PCDHB6: variants seen among roughly 807,000 people sequenced by gnomAD.
PCDHB6 encodes the protein protocadherin beta-6.
For synonymous variants in PCDHB6, 506 were observed against 459.0 expected (o/e 1.10, Z -1.31); for missense variants, 1,137 against 1,010.1 (o/e 1.13, Z -1.70).
Position 141,151,620 on chromosome 5 carries a change from A to C in PCDHB6, c.1363A>C (p.Thr455Pro), listed in dbSNP as rs1554277743. 6.2e-7 allele frequency: 1 copy of C among 1,613,416 alleles called. No homozygotes were observed. Among genetic ancestry groups the C allele is most frequent in the Non-Finnish European group, 8.5e-7 (1 of 1,179,982 alleles). The change falls in exon 1 of 1, where the codon ACC becomes CCC. Residue 455 changes from threonine to proline, a missense_variant. Physicochemically the swap from Thr to Pro is conservative, Grantham distance 38 (BLOSUM62 -1). Coordinates refer to ENST00000231136, the MANE Select transcript of PCDHB6 (RefSeq NM_018939.4). ...NAPAFTQTSYTLFVRENNSPA... is the reference protein window; with the variant it reads ...NAPAFTQTSYPLFVRENNSPA... Reference sequence around the variant, plus strand: ...CCCCGCCTTCACCCAAACCTCCTACACCCTGTTCGTCCGCGAGAACAACAG... The same window carrying C: ...CCCCGCCTTCACCCAAACCTCCTACCCCCTGTTCGTCCGCGAGAACAACAG...
At position 141,152,900 on chromosome 5, in the gene PCDHB6, C is replaced by CCCT. The variant is rs1554278120; in HGVS notation, c.*260_*261insTCC. 9 of 238,136 alleles carry CCCT rather than the reference C, an allele frequency of 3.8e-5. No individual in the cohort carries two copies. The allele number at this position is 238,136 out of a possible 1,614,324, so 14.8% of individuals were successfully genotyped here. ...TTGAAATTAAATTATCTATTCTTCCCCCCCCCAAAAAAAAGTATTGTAAAT... is the reference window on the plus strand; with the variant it reads ...TTGAAATTAAATTATCTATTCTTCCCCCTCCCCCCAAAAAAAAGTATTGTAAAT... On this transcript the variant is annotated 3_prime_UTR_variant, in exon 1 of 1. Transcript: ENST00000231136.
chr5:141,150,274 T>C lies in PCDHB6; in HGVS notation c.17T>C (p.Val6Ala), dbSNP rs1588333034. Residue 6 changes from valine (V) to alanine (A), a missense_variant, in exon 1 of 1, where the codon GTA (valine) becomes GCA (alanine). Transcript: ENST00000231136. MMQTKVQNKKRQVAFF... is the reference protein window; with the variant it reads MMQTKAQNKKRQVAFF... The stretch of plus-strand genomic sequence containing the variant: ...ATAATAGACATGATGCAAACTAAAG[T>C]ACAGAACAAGAAAAGGCAAGTGGCT... 9 of 1,612,120 alleles carry C rather than the reference T, an allele frequency of 5.6e-6. No homozygotes were observed. The East Asian group carries it at 1.3e-4, about 24-fold the overall frequency.
rs1554278081 is a variant in PCDHB6, at chr5:141,152,645, G to T, written c.*3G>T. On this transcript the variant is annotated 3_prime_UTR_variant, in exon 1 of 1. Transcript: ENST00000231136. ...GGAATAGCTTCCCGTTCAGTTAAGT[G>T]TGGGATTATTTTACTAAATCTTACT... is the stretch of plus-strand genomic sequence containing the variant. 7 of 1,567,080 alleles carry T rather than the reference G, an allele frequency of 4.5e-6. No homozygotes were observed.
At position 141,152,920 on chromosome 5, in the gene PCDHB6, G is replaced by A. The variant is rs1421477028; in HGVS notation, c.*278G>A. ...CTTCCCCCCCCCAAAAAAAAGTATTGTAAATCCTTAAGTAAAATTGTATTT... is the reference window on the plus strand; with the variant it reads ...CTTCCCCCCCCCAAAAAAAAGTATTATAAATCCTTAAGTAAAATTGTATTT... On this transcript the variant is annotated 3_prime_UTR_variant, in exon 1 of 1. Transcript: ENST00000231136. The A allele has an allele frequency of 2.5e-5, 6 of 236,866 alleles. No homozygotes were observed. In the East Asian group the frequency reaches 6.3e-4, roughly 25 times the overall value. The allele number at this position is 236,866 out of a possible 1,614,324, so 14.7% of individuals were successfully genotyped here.
Position 141,150,981 on chromosome 5 carries a change from G to A in PCDHB6, c.724G>A (p.Ala242Thr), listed in dbSNP as rs972521285. ...CATCAATGACAACGTCCCCGAGTTT[G>A]CTCAGGAGCTCTATGAAGCACAAGT... is the stretch of plus-strand genomic sequence containing the variant. ...LDINDNVPEFAQELYEAQVPE... is the reference protein window; with the variant it reads ...LDINDNVPEFTQELYEAQVPE... The change falls in exon 1 of 1, where the codon GCT becomes ACT. Residue 242 changes from alanine to threonine, a missense_variant. Coordinates refer to ENST00000231136, the MANE Select transcript of PCDHB6 (RefSeq NM_018939.4). The A allele has an allele frequency of 6.2e-7, 1 of 1,614,100 alleles. No homozygotes were observed. The highest frequency in any genetic ancestry group is 2.2e-5 in the East Asian group (1 of 44,856).
Position 141,151,593 on chromosome 5 carries a change from G to A in PCDHB6, c.1336G>A (p.Ala446Thr). The change falls in exon 1 of 1, where the codon GCC becomes ACC. Residue 446 changes from alanine (A) to threonine (T), a missense_variant. By Grantham distance (58) the Ala-to-Thr change is moderately conservative (BLOSUM62 0). Transcript: ENST00000231136. ...TVQVSDVNDN[A>T]PAFTQTSYTL... ...GCAGGTCTCCGACGTCAATGACAAC[G>A]CCCCCGCCTTCACCCAAACCTCCTA... 1 of 1,613,856 alleles carries A rather than the reference G, an allele frequency of 6.2e-7. No individual in the cohort carries two copies.
rs1554277449 is a variant in PCDHB6, at chr5:141,150,568, C to A, written c.311C>A (p.Pro104His). ...LCGSTEPCVLPFQVLLENPLQ... is the reference protein window; with the variant it reads ...LCGSTEPCVLHFQVLLENPLQ... The stretch of plus-strand genomic sequence containing the variant: ...GGCTCCACTGAGCCGTGTGTGCTAC[C>A]TTTCCAAGTGTTACTGGAAAACCCC... Residue 104 changes from proline to histidine, a missense_variant, in exon 1 of 1, where the codon CCT (proline) becomes CAT (histidine). Pro to His is a moderately conservative substitution (Grantham distance 77, BLOSUM62 -2). Transcript: ENST00000231136. 2 of 1,614,074 alleles carry A rather than the reference C, an allele frequency of 1.2e-6. No individual in the cohort carries two copies. Among genetic ancestry groups the A allele is most frequent in the African/African-American group, 2.7e-5 (2 of 74,922 alleles).
At position 141,152,355 on chromosome 5, in the gene PCDHB6, C is replaced by T. The variant is rs782050570; in HGVS notation, c.2098C>T (p.Leu700Phe). ...GTTGGCCTCGGTGTCGTCGCTCTTCCTCTTTTCGGTGCTCCTGTTCGTGGC... is the reference window on the plus strand; with the variant it reads ...GTTGGCCTCGGTGTCGTCGCTCTTCTTCTTTTCGGTGCTCCTGTTCGTGGC... ...VALASVSSLF[L>F]FSVLLFVAVR... Residue 700 changes from leucine to phenylalanine, a missense_variant, in exon 1 of 1, where the codon CTC becomes TTC. Physicochemically the swap from Leu to Phe is conservative, Grantham distance 22. Transcript: ENST00000231136. 1.3e-5 allele frequency: 21 copies of T among 1,610,712 alleles called. No homozygotes were observed. Among genetic ancestry groups the T allele is most frequent in the Non-Finnish European group, 1.7e-5 (20 of 1,179,882 alleles).
rs782003867 is a variant in PCDHB6, at chr5:141,151,500, TACA to T, written c.1247_1249del (p.Asn416del). On this transcript the variant is annotated inframe_deletion, in exon 1 of 1. Coordinates refer to ENST00000231136, the MANE Select transcript of PCDHB6 (RefSeq NM_018939.4). ...GCTGGACAGAGAGAGCAGAGCCGAGTACAACATCACTATCACGGTCACTGATTT... is the reference window on the plus strand; with the variant it reads ...GCTGGACAGAGAGAGCAGAGCCGAGTACATCACTATCACGGTCACTGATTT... 1.2e-6 allele frequency: 2 copies of T among 1,614,006 alleles called. No individual in the cohort carries two copies. The highest frequency in any genetic ancestry group is 1.7e-5 in the Admixed American group (1 of 60,014).
Position 141,151,296 on chromosome 5 carries a change from A to T in PCDHB6, c.1039A>T (p.Met347Leu), listed in dbSNP as rs147390258. 512 of 1,614,086 alleles carry T rather than the reference A, an allele frequency of 3.2e-4. 1 individual carries two copies. The highest frequency in any genetic ancestry group is 3.5e-4 in the Non-Finnish European group (413 of 1,180,040). The change falls in exon 1 of 1, where the codon ATG becomes TTG. Residue 347 changes from methionine to leucine, a missense_variant. Transcript: ENST00000231136. ...DVNDNAPELT[M>L]SFFISLIPEN... ...GAATGACAATGCCCCTGAACTCACC[A>T]TGTCGTTCTTCATCAGCCTCATCCC...
At position 141,151,395 on chromosome 5, in the gene PCDHB6, A is replaced by G; in HGVS notation, c.1138A>G (p.Ile380Val). Residue 380 changes from isoleucine (I) to valine (V), a missense_variant, in exon 1 of 1, where the codon ATT (isoleucine) becomes GTT (valine). Transcript: ENST00000231136. Reference sequence around the variant, plus strand: ...AGACTCTGGACATAACCAACAGGTTATTTGTTCAATAGAGAACAATCTCCC... The same window carrying G: ...AGACTCTGGACATAACCAACAGGTTGTTTGTTCAATAGAGAACAATCTCCC... ...DADSGHNQQV[I>V]CSIENNLPFL... 1 of 1,614,200 alleles carries G rather than the reference A, an allele frequency of 6.2e-7. No homozygotes were observed. Among genetic ancestry groups the G allele is most frequent in the South Asian group, 1.1e-5 (1 of 91,074 alleles).
Position 141,152,361 on chromosome 5 carries a change from T to G in PCDHB6, c.2104T>G (p.Ser702Ala), listed in dbSNP as rs1447424939. 75 of 1,610,924 alleles carry G rather than the reference T, an allele frequency of 4.7e-5. No homozygotes were observed. Among genetic ancestry groups the G allele is most frequent in the Non-Finnish European group, 6.4e-5 (75 of 1,179,852 alleles). The change falls in exon 1 of 1, where the codon TCG (serine) becomes GCG (alanine). Residue 702 changes from serine to alanine, a missense_variant. Transcript: ENST00000231136. ...CTCGGTGTCGTCGCTCTTCCTCTTT[T>G]CGGTGCTCCTGTTCGTGGCGGTGCG... The part of the protein sequence containing the change: ...LASVSSLFLF[S>A]VLLFVAVRLC...
chr5:141,150,428 G>T lies in PCDHB6; in HGVS notation c.171G>T (p.Glu57Asp). Reference sequence around the variant, plus strand: ...AGGACCTGGGACTGAGGGTGGGGGAGCTGGCTTCGCGGGGCGCTCGGGTTG... The same window carrying T: ...AGGACCTGGGACTGAGGGTGGGGGATCTGGCTTCGCGGGGCGCTCGGGTTG... ...LTKDLGLRVG[E>D]LASRGARVVF... Residue 57 changes from glutamate (E) to aspartate (D), a missense_variant, in exon 1 of 1, where the codon GAG becomes GAT. By Grantham distance (45) the Glu-to-Asp change is conservative. Coordinates refer to ENST00000231136, the MANE Select transcript of PCDHB6 (RefSeq NM_018939.4). 6.2e-7 allele frequency: 1 copy of T among 1,614,098 alleles called. No homozygotes were observed. Among genetic ancestry groups the T allele is most frequent in the Non-Finnish European group, 8.5e-7 (1 of 1,180,024 alleles).
chr5:141,151,010 T>C lies in PCDHB6; in HGVS notation c.753T>C (p.Pro251=), dbSNP rs368009955. 4.5e-5 allele frequency: 73 copies of C among 1,614,060 alleles called. No homozygotes were observed. Among genetic ancestry groups the C allele is most frequent in the Non-Finnish European group, 6.0e-5 (71 of 1,180,044 alleles). Residue 251 remains proline (P), a synonymous_variant, in exon 1 of 1, where the codon CCT becomes CCC. Transcript: ENST00000231136. ...AGGAGCTCTATGAAGCACAAGTCCC[T>C]GAGAACAACCCCCTCGGCTCTCTGG... ...FAQELYEAQV[P]ENNPLGSLVI... is the part of the protein sequence containing the mutation.
rs1486391930 is a variant in PCDHB6, at chr5:141,152,245, G to C, written c.1988G>C (p.Gly663Ala). 6.2e-7 allele frequency: 1 copy of C among 1,607,076 alleles called. No homozygotes were observed. The highest frequency in any genetic ancestry group is 1.3e-5 in the African/African-American group (1 of 74,810). The change falls in exon 1 of 1, where the codon GGC (glycine) becomes GCC (alanine). Residue 663 changes from glycine to alanine, a missense_variant. Coordinates refer to ENST00000231136, the MANE Select transcript of PCDHB6 (RefSeq NM_018939.4). The stretch of plus-strand genomic sequence containing the variant: ...ACGCTGCACGTGCTCCTGGTGGACG[G>C]CTTCTCCCAGCCCTACCTGCCTCTC... ...TATLHVLLVD[G>A]FSQPYLPLPE...
chr5:141,152,239 T>C lies in PCDHB6; in HGVS notation c.1982T>C (p.Val661Ala). 1.2e-6 allele frequency: 2 copies of C among 1,607,388 alleles called. No individual in the cohort carries two copies. The highest frequency in any genetic ancestry group is 8.5e-7 in the Non-Finnish European group (1 of 1,179,736). Reference protein sequence around the residue: ...SATATLHVLLVDGFSQPYLPL... With the variant: ...SATATLHVLLADGFSQPYLPL... ...ACCGCCACGCTGCACGTGCTCCTGG[T>C]GGACGGCTTCTCCCAGCCCTACCTG... The change falls in exon 1 of 1, where the codon GTG becomes GCG. Residue 661 changes from valine (V) to alanine (A), a missense_variant. Val to Ala is a moderately conservative substitution (Grantham distance 64, BLOSUM62 0). Transcript: ENST00000231136.
chr5:141,150,181 C>T lies in PCDHB6; in HGVS notation c.-77C>T. 8.8e-7 allele frequency: 1 copy of T among 1,139,520 alleles called. No individual in the cohort carries two copies. The allele number at this position is 1,139,520 out of a possible 1,614,324, so 70.6% of individuals were successfully genotyped here. On this transcript the variant is annotated 5_prime_UTR_variant, in exon 1 of 1. Transcript: ENST00000231136. ...ACGAATTTAAAAATCTCTGCAAAGA[C>T]ATCCGAGAGGGTCGACGGTAGATGT...
rs782014026 is a variant in PCDHB6 at position 141,152,100 on chromosome 5, G to A, written c.1843G>A (p.Val615Met). 3 of 1,606,698 alleles carry A rather than the reference G, an allele frequency of 1.9e-6. No homozygotes were observed. Among genetic ancestry groups the A allele is most frequent in the East Asian group, 4.5e-5 (2 of 44,864 alleles). Residue 615 changes from valine to methionine, a missense_variant, in exon 1 of 1, where the codon GTG (valine) becomes ATG (methionine). Transcript: ENST00000231136. The stretch of plus-strand genomic sequence containing the variant: ...GGCCACGGAGCTCGGTCTGTTCGGC[G>A]TGTGGGCGCACAATGGCGAGGTGCG... The part of the protein sequence containing the change: ...LKATELGLFG[V>M]WAHNGEVRTA...
In PCDHB6 at chr5:141,152,728, C is replaced by A; in HGVS notation, c.*86C>A. 8.1e-7 allele frequency: 1 copy of A among 1,232,510 alleles called. No individual in the cohort carries two copies. Among genetic ancestry groups the A allele is most frequent in the Non-Finnish European group, 1.1e-6 (1 of 899,706 alleles). 76.3% of individuals were successfully genotyped at this position (1,232,510 alleles called of 1,614,324 possible). On this transcript the variant is annotated 3_prime_UTR_variant, in exon 1 of 1. Coordinates refer to ENST00000231136, the MANE Select transcript of PCDHB6 (RefSeq NM_018939.4). Reference sequence around the variant, plus strand: ...CATGGTCTGTTTCTTGTTTATTTTACCTCTATTCTTTAGGTTGAAATTTTA... The same window carrying A: ...CATGGTCTGTTTCTTGTTTATTTTAACTCTATTCTTTAGGTTGAAATTTTA...
Sources: gnomAD v4.1 joint callset for allele counts on GRCh38, gnomAD v4.1.1 for gene constraint, MANE v1.5 for transcripts, NCBI Gene and HGNC (gene_info 2026-07-23, HGNC 2026-07-21) for gene names.